PDS5A: variants seen among roughly 807,000 people sequenced by gnomAD.
PDS5A encodes PDS5 cohesin associated factor A.
Under a neutral mutation model 167.1 loss-of-function variants are expected in PDS5A, and 42 were observed. The observed-to-expected ratio is 0.25, with a 90% CI of 0.20 to 0.33. PDS5A has a LOEUF of 0.33. Among genes scored for constraint, PDS5A ranks in the 10% least tolerant of loss-of-function variants. PDS5A has a pLI of 1.00. For missense variants in PDS5A, 1,033 were observed against 1,605.9 expected, an observed-to-expected ratio of 0.64 and a Z score of 6.10; for synonymous variants, 553 against 554.6, an observed-to-expected ratio of 1.00 and a Z score of 0.04.
At chr4:39,854,513 T>C (rs886411354) in intron 26 of PDS5A, among the ~76,000 whole-genome samples, 1 of 152,218 alleles carries the variant, frequency 6.6e-6, no homozygotes, top group African/African-American at 2.4e-5. Flanking sequence ...TTCTTTCCAG[T>C]AGTGGTATGT....
chr4:39,864,848 T>C (rs1719293260), intron 23 of PDS5A, among the ~76,000 whole-genome samples: 1 of 152,236 alleles, frequency 6.6e-6, no homozygotes, highest in African/African-American at 2.4e-5. Flanking sequence ...AATACTATAT[T>C]ATATGATATC....
At position 39,951,120 on chromosome 4, in the gene PDS5A, TG is replaced by T. The variant is rs1044932672; in HGVS notation, c.139-22957del. Among the ~76,000 whole-genome samples the T allele has an allele frequency of 4.9e-4, 74 of 152,130 alleles. 1 individual carries two copies. Among genetic ancestry groups the T allele is most frequent in the African/African-American group, 1.8e-3 (73 of 41,440 alleles). Reference sequence around the variant, plus strand: ...GTTGCCCAGGCTGGTCTCAAATTCCTGGGATCATGTGACCCTCATGCCTCAA... The same window carrying T: ...GTTGCCCAGGCTGGTCTCAAATTCCTGGATCATGTGACCCTCATGCCTCAA... On this transcript the variant is annotated intron_variant, in intron 2 of 32. Transcript: ENST00000303538.
chr4:39,904,491 C>T (rs999718454), intron 11 of PDS5A, among the ~76,000 whole-genome samples: 4 of 152,044 alleles, frequency 2.6e-5, no homozygotes, highest in Non-Finnish European at 5.9e-5. Flanking sequence ...GGCGCCCGCA[C>T]GCCCGGCTAA....
chr4:39,841,997 C>T lies in PDS5A; in HGVS notation c.3608G>A (p.Arg1203Lys). The change falls in exon 31 of 33, where the codon AGG becomes AAG. Residue 1203 changes from arginine (R) to lysine (K), a missense_variant. By Grantham distance (26) the Arg-to-Lys change is conservative. This residue lies in a region of PDS5A where 233 missense variants were observed against 264.0 expected (regional missense o/e 0.88). Transcript: ENST00000303538. The part of the protein sequence containing the change: ...GVSENEENPV[R>K]IISVTPVKNI... Reference sequence around the variant, plus strand: ...CTTTACAGGTGTGACTGAAATAATCCTCACAGGGTTCTCTTCATTTTCACT... The same window carrying T: ...CTTTACAGGTGTGACTGAAATAATCTTCACAGGGTTCTCTTCATTTTCACT... The T allele has an allele frequency of 6.2e-7, 1 of 1,609,494 alleles. No individual in the cohort carries two copies. The highest frequency in any genetic ancestry group is 1.1e-5 in the South Asian group (1 of 90,952).
At chr4:39,888,934 T>A (rs1431583000) in intron 17 of PDS5A, among the ~76,000 whole-genome samples, 4 of 152,210 alleles carry the variant, frequency 2.6e-5, no homozygotes, top group African/African-American at 9.7e-5. Context: ...AGGTGATGTA[T>A]ATCACCAATA....
rs75953297 is a variant in PDS5A at position 39,864,179 on chromosome 4, A to C, written c.2643-720T>G. ...AAAACAAAAAAACTTGATTAAAAAA[A>C]CCACAAAGAATTAAAAAAAAAATCA... On this transcript the variant is annotated intron_variant, in intron 23 of 32. Coordinates refer to ENST00000303538, the MANE Select transcript of PDS5A (RefSeq NM_001100399.2). 1.1e-3 allele frequency among the ~76,000 whole-genome samples: 171 copies of C among 152,194 alleles called. 2 individuals carry two copies. Among genetic ancestry groups the C allele is most frequent in the African/African-American group, 4.0e-3 (166 of 41,542 alleles).
intron 11 of PDS5A, among the ~76,000 whole-genome samples, chr4:39,906,608 T>G (rs1174759623): frequency 7.2e-6 from 1 of 139,806 alleles, no homozygotes; most frequent in South Asian, 2.3e-4. Context: ...ATCTGTGTAT[T>G]AAAAAAAAAA....
At chr4:39,919,297 TTA>T (rs1724694487) in intron 7 of PDS5A, among the ~76,000 whole-genome samples, 1 of 152,238 alleles carries the variant, frequency 6.6e-6, no homozygotes, top group African/African-American at 2.4e-5. Context: ...ACAGTCATTC[TTA>T]TATATTTAAA....
At chr4:39,906,917 TAAAAAAAAAA>T (rs1191690836) in intron 11 of PDS5A, among the ~76,000 whole-genome samples, 24 of 54,032 alleles carry the variant, frequency 4.4e-4, no homozygotes, top group Admixed American at 1.0e-3. Flanking sequence ...ATTTCTTACA[TAAAAAAAAAA>T]AAAAAAAAAA....
chr4:39,858,947 A>G (rs1401487649), intron 26 of PDS5A, among the ~76,000 whole-genome samples: 1 of 152,232 alleles, frequency 6.6e-6, no homozygotes, highest in African/African-American at 2.4e-5. Flanking sequence ...AGTACTGTAT[A>G]GGCAACAAAA....
chr4:39,892,009 G>A (rs1424439738), intron 16 of PDS5A, among the ~76,000 whole-genome samples: 2 of 152,310 alleles, frequency 1.3e-5, no homozygotes, highest in African/African-American at 2.4e-5. Flanking sequence ...TACTCAGGAG[G>A]CTGAGGTGGG....
At chr4:39,898,557 G>T in intron 15 of PDS5A, 29 bp from the exon 16 acceptor site, 1 of 1,349,824 alleles carries the variant, frequency 7.4e-7, no homozygotes, top group Non-Finnish European at 1.0e-6. Context: ...ATCAATATTA[G>T]AGAAGGAAAA....
At chr4:39,951,858 C>T (rs1413259852) in intron 2 of PDS5A, among the ~76,000 whole-genome samples, 1 of 144,930 alleles carries the variant, frequency 6.9e-6, no homozygotes, top group Non-Finnish European at 1.5e-5. Context: ...CAAGATCGCG[C>T]CACTGCACTC....
chr4:39,827,325 A>G (rs1715414893), intron 32 of PDS5A, among the ~76,000 whole-genome samples: 1 of 152,056 alleles, frequency 6.6e-6, no homozygotes, highest in African/African-American at 2.4e-5. Context: ...TGCCTGCTAC[A>G]CCTTCAGGAA....
intron 2 of PDS5A, among the ~76,000 whole-genome samples, chr4:39,931,759 G>A (rs189449143): frequency 5.7e-4 from 87 of 152,238 alleles, no homozygotes; most frequent in African/African-American, 2.0e-3. Context: ...TGTTGCAGGG[G>A]ACTATACAAG....
At chr4:39,972,591 C>T (rs1264176547) in intron 2 of PDS5A, among the ~76,000 whole-genome samples, 2 of 151,466 alleles carry the variant, frequency 1.3e-5, no homozygotes, top group African/African-American at 2.4e-5. Flanking sequence ...GTCTGAACCT[C>T]CTGGGCTCAA....
intron 2 of PDS5A, among the ~76,000 whole-genome samples, chr4:39,967,804 CA>C (rs1441835492): frequency 6.6e-6 from 1 of 151,296 alleles, no homozygotes; most frequent in Non-Finnish European, 1.5e-5. Flanking sequence ...ACTAAAAATA[CA>C]AAAATTAGCT....
chr4:39,886,188 T>TA lies in PDS5A; in HGVS notation c.1886+4060dup, dbSNP rs770987809. 1.2e-4 allele frequency among the ~76,000 whole-genome samples: 18 copies of TA among 152,340 alleles called. 1 individual carries two copies. The highest frequency in any genetic ancestry group is 2.6e-4 in the Non-Finnish European group (18 of 68,034). On this transcript the variant is annotated intron_variant, in intron 17 of 32. Coordinates refer to ENST00000303538, the MANE Select transcript of PDS5A (RefSeq NM_001100399.2). ...TGTTCCTTTAGATGTGTCTAGTTTT[T>TA]ATGCCAGTATCATGTTGATTTGGTT...
intron 22 of PDS5A, among the ~76,000 whole-genome samples, chr4:39,867,776 CCCA>C (rs1274317687): frequency 1.5e-5 from 2 of 134,150 alleles, no homozygotes; most frequent in Admixed American, 7.6e-5. Context: ...ACACACACAC[CCCA>C]CAACTGTACT....
Sources: gnomAD v4.1 joint callset for allele counts (sites outside exome capture counted in the v4.1 genomes callset) on GRCh38, gnomAD v4.1.1 for gene constraint, gnomAD v4.1.1 regional missense constraint, MANE v1.5 for transcripts, NCBI Gene and HGNC (gene_info 2026-07-23, HGNC 2026-07-21) for gene names.